DCC: variants seen among roughly 807,000 people sequenced by gnomAD.
DCC encodes the protein DCC netrin 1 receptor, also known as netrin receptor DCC.
In DCC, 58 loss-of-function variants were observed where a neutral mutation model predicts 172.5. That is an observed-to-expected ratio of 0.34 (90% CI 0.27 to 0.42). The LOEUF is 0.42. DCC is among the 10% of genes least tolerant of loss of function. The pLI is 1.00. For synonymous variants in DCC, 709 were observed against 644.5 expected, an observed-to-expected ratio of 1.10 and a Z score of -1.52; for missense variants, 1,740 against 1,791.0, an observed-to-expected ratio of 0.97 and a Z score of 0.51.
intron 5 of DCC, among the ~76,000 whole-genome samples, chr18:53,048,562 T>C (rs528382010): frequency 7.3e-6 from 1 of 136,282 alleles, no homozygotes; most frequent in South Asian, 2.3e-4. Flanking sequence ...TGCATATGTG[T>C]ATATGTATGT....
intron 1 of DCC, among the ~76,000 whole-genome samples, chr18:52,735,226 C>T (rs1346370518): frequency 6.6e-6 from 1 of 152,104 alleles, no homozygotes; most frequent in African/African-American, 2.4e-5. Flanking sequence ...ATTCCCTTGA[C>T]CACCCTGCCA....
intron 15 of DCC, among the ~76,000 whole-genome samples, chr18:53,351,405 A>ATATATATACTG (rs1568075127): frequency 5.8e-4 from 7 of 12,006 alleles, no homozygotes; most frequent in Non-Finnish European, 1.3e-3. Flanking sequence ...TACAGTGTAT[A>ATATATATACTG]TATATATATA....
chr18:52,428,700 G>A (rs148122053), intron 1 of DCC, among the ~76,000 whole-genome samples: 1,620 of 152,160 alleles, frequency 0.011, 14 homozygotes, highest in Middle Eastern at 0.048. Flanking sequence ...GACAGAGCAA[G>A]CCATGGAAAT....
At chr18:52,841,621 T>A (rs1437470330) in intron 2 of DCC, among the ~76,000 whole-genome samples, 1 of 152,110 alleles carries the variant, frequency 6.6e-6, no homozygotes, top group Non-Finnish European at 1.5e-5. Flanking sequence ...GAATTGTATT[T>A]GAAAAGGCTG....
At chr18:52,576,910 A>G (rs919826160) in intron 1 of DCC, among the ~76,000 whole-genome samples, 3 of 151,836 alleles carry the variant, frequency 2.0e-5, no homozygotes, top group East Asian at 1.9e-4. Flanking sequence ...CCTTCCTTCA[A>G]TGAGCATTAT....
intron 1 of DCC, among the ~76,000 whole-genome samples, chr18:52,436,227 C>T (rs932650165): frequency 2.0e-5 from 3 of 152,218 alleles, no homozygotes; most frequent in African/African-American, 7.2e-5. Flanking sequence ...GGGGAAACCC[C>T]CAAGTAATAT....
chr18:52,406,380 C>G (rs1344851113), intron 1 of DCC, among the ~76,000 whole-genome samples: 1 of 151,594 alleles, frequency 6.6e-6, no homozygotes, highest in Non-Finnish European at 1.5e-5. Flanking sequence ...TCAGAGTGAA[C>G]AGGCAACCTA....
chr18:53,088,388 G>T (rs1232747239), intron 7 of DCC, among the ~76,000 whole-genome samples: 1 of 152,138 alleles, frequency 6.6e-6, no homozygotes. Context: ...GTTCACTCAT[G>T]ATTTGGCTCT....
intron 6 of DCC, among the ~76,000 whole-genome samples, chr18:53,064,950 A>G (rs1450077673): frequency 6.6e-6 from 1 of 152,156 alleles, no homozygotes; most frequent in Admixed American, 6.6e-5. Context: ...TTTGAATATA[A>G]TCTTTCTCCC....
At chr18:53,336,625 G>A (rs923332900) in intron 14 of DCC, among the ~76,000 whole-genome samples, 1 of 152,230 alleles carries the variant, frequency 6.6e-6, no homozygotes. Context: ...GCCAAGGCAG[G>A]TGGACTGCTT....
chr18:52,792,835 A>ATTCCT (rs2037801568), intron 2 of DCC, among the ~76,000 whole-genome samples: 1 of 146,194 alleles, frequency 6.8e-6, no homozygotes, highest in African/African-American at 2.6e-5. Context: ...ATTCCATTCT[A>ATTCCT]TTCCATTCCA....
rs559259368 is a variant in DCC, at chr18:52,722,812, C to G, written c.92-29242C>G. ...TTTCCTGTACTTCCCTTTCTTACTG[C>G]TTTACCAACTTCCTGACTCTCCTGT... is the stretch of plus-strand genomic sequence containing the variant. On this transcript the variant is annotated intron_variant, in intron 1 of 28. Coordinates refer to ENST00000442544, the MANE Select transcript of DCC (RefSeq NM_005215.4). 7.2e-5 allele frequency among the ~76,000 whole-genome samples: 11 copies of G among 152,266 alleles called. No homozygotes were observed. The East Asian group carries it at 2.1e-3, about 29-fold the overall frequency.
intron 1 of DCC, among the ~76,000 whole-genome samples, chr18:52,633,129 T>A (rs1219598294): frequency 2.8e-5 from 1 of 35,374 alleles, no homozygotes; most frequent in Non-Finnish European, 7.7e-5. Flanking sequence ...TCCTTTCCTG[T>A]CCTGTCCTGT....
chr18:53,343,472 G>A (rs753600969), intron 15 of DCC, among the ~76,000 whole-genome samples: 1 of 151,558 alleles, frequency 6.6e-6, no homozygotes. Context: ...TTTTTGAAGG[G>A]TAACCAACCT....
At chr18:52,390,555 G>A (rs1985991811) in intron 1 of DCC, among the ~76,000 whole-genome samples, 2 of 152,086 alleles carry the variant, frequency 1.3e-5, no homozygotes, top group East Asian at 3.9e-4. Context: ...ATAGTCATTT[G>A]TGTTTGCTGA....
intron 1 of DCC, among the ~76,000 whole-genome samples, chr18:52,734,203 A>G (rs980655509): frequency 1.3e-5 from 2 of 152,002 alleles, no homozygotes; most frequent in African/African-American, 4.8e-5. Flanking sequence ...GGGGTACATG[A>G]GATGTTTTGC....
chr18:52,555,036 G>A (rs1480316705), intron 1 of DCC, among the ~76,000 whole-genome samples: 1 of 151,888 alleles, frequency 6.6e-6, no homozygotes, highest in East Asian at 1.9e-4. Flanking sequence ...GGAAGGTGGG[G>A]GTGAGCTAAT....
At chr18:53,445,380 T>C (rs1912533390) in intron 22 of DCC, among the ~76,000 whole-genome samples, 1 of 152,242 alleles carries the variant, frequency 6.6e-6, no homozygotes, top group African/African-American at 2.4e-5. Context: ...TGGACCTCTT[T>C]CCTTCCTCGG....
chr18:52,376,586 A>G (rs2144312733), intron 1 of DCC, among the ~76,000 whole-genome samples: 1 of 152,314 alleles, frequency 6.6e-6, no homozygotes, highest in South Asian at 2.1e-4. Context: ...CAAAACAAAT[A>G]AAAATATCTT....
Sources: gnomAD v4.1 joint callset for allele counts (sites outside exome capture counted in the v4.1 genomes callset) on GRCh38, gnomAD v4.1.1 for gene constraint, MANE v1.5 for transcripts, NCBI Gene and HGNC (gene_info 2026-07-23, HGNC 2026-07-21) for gene names.